ENOX1: variants seen among roughly 807,000 people sequenced by gnomAD.
The protein encoded by ENOX1 is ecto-NOX disulfide-thiol exchanger 1, also known as candidate growth-related and time keeping constitutive hydroquinone (NADH) oxidase.
Under a neutral mutation model 82.5 loss-of-function variants are expected in ENOX1, and 42 were observed. The observed-to-expected ratio is 0.51, with a 90% CI of 0.40 to 0.66. The LOEUF (loss-of-function observed/expected upper bound fraction) is 0.66, where lower values mean the gene tolerates loss of function less well. Ranked by LOEUF, ENOX1 falls within the 30% of genes least tolerant of loss-of-function variation. ENOX1 has a pLI of 0.00. For missense variants in ENOX1, 608 were observed against 811.6 expected, an observed-to-expected ratio of 0.75 and a Z score of 3.05; for synonymous variants, 271 against 282.2, an observed-to-expected ratio of 0.96 and a Z score of 0.40.
At chr13:43,371,013 C>A (rs999090781) in intron 5 of ENOX1, among the ~76,000 whole-genome samples, 1 of 152,136 alleles carries the variant, frequency 6.6e-6, no homozygotes, top group Non-Finnish European at 1.5e-5. Context: ...TGAGAACAGG[C>A]CCTAATTGGG....
chr13:43,678,061 G>A (rs942017410), intron 1 of ENOX1, among the ~76,000 whole-genome samples: 2 of 152,154 alleles, frequency 1.3e-5, no homozygotes, highest in African/African-American at 2.4e-5. Flanking sequence ...TCTGGGAGGT[G>A]CTATACAAAT....
intron 12 of ENOX1, among the ~76,000 whole-genome samples, chr13:43,287,240 A>T (rs1033429944): frequency 2.6e-5 from 4 of 152,192 alleles, no homozygotes; most frequent in Admixed American, 2.0e-4. Flanking sequence ...TGTAAGGGGC[A>T]TTGGAGTAAA....
intron 15 of ENOX1, among the ~76,000 whole-genome samples, chr13:43,224,701 A>G (rs1306499281): frequency 1.3e-5 from 2 of 152,232 alleles, no homozygotes; most frequent in Non-Finnish European, 1.5e-5. Context: ...AAAAGGAGCC[A>G]GCTCATTCTC....
intron 2 of ENOX1, among the ~76,000 whole-genome samples, chr13:43,644,852 C>T (rs2083820725): frequency 6.6e-6 from 1 of 152,110 alleles, no homozygotes; most frequent in Non-Finnish European, 1.5e-5. Flanking sequence ...CTTGCTCTTC[C>T]AACATTTACA....
At chr13:43,386,083 T>C (rs1292690705) in intron 5 of ENOX1, among the ~76,000 whole-genome samples, 1 of 152,170 alleles carries the variant, frequency 6.6e-6, no homozygotes, top group Non-Finnish European at 1.5e-5. Context: ...GGAGAATCAA[T>C]TGAGCCTTGG....
intron 2 of ENOX1, among the ~76,000 whole-genome samples, chr13:43,566,268 T>C (rs901990174): frequency 5.3e-5 from 8 of 152,260 alleles, no homozygotes; most frequent in African/African-American, 1.7e-4. Flanking sequence ...CTTGCAATAA[T>C]AAGACTACAT....
At chr13:43,620,702 G>A (rs1260274126) in intron 2 of ENOX1, among the ~76,000 whole-genome samples, 1 of 152,120 alleles carries the variant, frequency 6.6e-6, no homozygotes, top group African/African-American at 2.4e-5. Flanking sequence ...ATGCACTGTT[G>A]AATAGAATGT....
At chr13:43,709,894 G>A (rs1021385327) in intron 1 of ENOX1, among the ~76,000 whole-genome samples, 28 of 151,932 alleles carry the variant, frequency 1.8e-4, no homozygotes, top group African/African-American at 6.5e-4. Context: ...TTCCAAAAAC[G>A]GAAAATATTA....
At chr13:43,295,723 A>C (rs941833020) in intron 12 of ENOX1, among the ~76,000 whole-genome samples, 1 of 152,168 alleles carries the variant, frequency 6.6e-6, no homozygotes, top group African/African-American at 2.4e-5. Flanking sequence ...GATAGTGTGG[A>C]GATTGAAGGC....
chr13:43,442,041 G>T (rs1042682940), intron 3 of ENOX1, among the ~76,000 whole-genome samples: 1 of 151,996 alleles, frequency 6.6e-6, no homozygotes, highest in African/African-American at 2.4e-5. Context: ...AAATTAAAAC[G>T]CCTACACGTA....
chr13:43,688,074 T>G (rs997663102), intron 1 of ENOX1, among the ~76,000 whole-genome samples: 1 of 152,026 alleles, frequency 6.6e-6, no homozygotes, highest in Non-Finnish European at 1.5e-5. Flanking sequence ...ATTGCCCTTA[T>G]CCTAAGGGCA....
rs758354468 is a variant in ENOX1 at position 43,344,716 on chromosome 13, C to A, written c.858G>T (p.Leu286=). The A allele has an allele frequency of 6.2e-7, 1 of 1,614,136 alleles. No individual in the cohort carries two copies. The highest frequency in any genetic ancestry group is 8.5e-7 in the Non-Finnish European group (1 of 1,180,030). ...DSKFSEAITV[L]LSWIERGEVN... ...CTTCCCCTCGTTCAATCCAGGAAAG[C>A]AGCACTGTGATAGCCTCTGAAAACT... The change falls in exon 9 of 17, where the codon CTG becomes CTT. Residue 286 remains leucine (L), a synonymous_variant. Coordinates refer to ENST00000690772, the MANE Select transcript of ENOX1 (RefSeq NM_001347969.2).
At chr13:43,689,381 T>C (rs943920226) in intron 1 of ENOX1, among the ~76,000 whole-genome samples, 8 of 152,198 alleles carry the variant, frequency 5.3e-5, no homozygotes, top group Middle Eastern at 3.2e-3. Context: ...AGTAGAAGAA[T>C]GACAAAACAA....
intron 1 of ENOX1, among the ~76,000 whole-genome samples, chr13:43,766,948 T>A (rs1594744191): frequency 8.1e-6 from 1 of 123,398 alleles, no homozygotes; most frequent in South Asian, 3.2e-4. Flanking sequence ...GGTGCCAAAA[T>A]GAATGTCTCT....
At position 43,470,249 on chromosome 13, in the gene ENOX1, CATATATATAT is replaced by C. The variant is rs71861024; in HGVS notation, c.-75+13750_-75+13759del. Among the ~76,000 whole-genome samples the C allele has an allele frequency of 1.7e-4, 9 of 52,702 alleles. 1 individual carries two copies. Among genetic ancestry groups the C allele is most frequent in the African/African-American group, 4.1e-4 (7 of 17,010 alleles). 34.6% of individuals were successfully genotyped at this position (52,702 alleles called of 152,430 possible). ...GTATGTGTGTGTGTGTATATATATACATATATATATACATATATATACACATATATATACA... is the reference window on the plus strand; with the variant it reads ...GTATGTGTGTGTGTGTATATATATACACATATATATACACATATATATACA... On this transcript the variant is annotated intron_variant, in intron 3 of 16. Coordinates refer to ENST00000690772, the MANE Select transcript of ENOX1 (RefSeq NM_001347969.2).
intron 1 of ENOX1, among the ~76,000 whole-genome samples, chr13:43,718,354 C>A (rs2088298523): frequency 6.6e-6 from 1 of 151,758 alleles, no homozygotes; most frequent in Non-Finnish European, 1.5e-5. Context: ...AATATGGGAA[C>A]AACAGACACT....
intron 2 of ENOX1, among the ~76,000 whole-genome samples, chr13:43,496,800 G>A (rs1265189668): frequency 6.6e-6 from 1 of 151,988 alleles, no homozygotes; most frequent in Non-Finnish European, 1.5e-5. Context: ...TGATCTATTT[G>A]TCTATCTTTG....
intron 3 of ENOX1, among the ~76,000 whole-genome samples, chr13:43,416,172 G>A (rs1290763377): frequency 1.1e-4 from 13 of 116,102 alleles, no homozygotes; most frequent in South Asian, 2.8e-4. Context: ...TGGGGCAGCC[G>A]GACAGAAGCG....
chr13:43,445,236 G>A (rs1166745382), intron 3 of ENOX1, among the ~76,000 whole-genome samples: 2 of 150,196 alleles, frequency 1.3e-5, no homozygotes, highest in African/African-American at 4.9e-5. Context: ...CCATTCTCCT[G>A]CCTCAGCCTC....
Sources: gnomAD v4.1 joint callset for allele counts (sites outside exome capture counted in the v4.1 genomes callset) on GRCh38, gnomAD v4.1.1 for gene constraint, MANE v1.5 for transcripts, NCBI Gene and HGNC (gene_info 2026-07-23, HGNC 2026-07-21) for gene names.